The following SRGAP1 variants were observed in gnomAD, a reference collection of about 807,000 sequenced individuals.
The protein encoded by SRGAP1 is SLIT-ROBO Rho GTPase-activating protein 1.
Under a neutral mutation model 121.9 loss-of-function variants are expected in SRGAP1, and 43 were observed. The ratio of observed to expected loss-of-function variants is 0.35; its 90% confidence interval spans 0.28 to 0.46. The LOEUF (loss-of-function observed/expected upper bound fraction) is 0.46. Among genes scored for constraint, SRGAP1 ranks in the 20% least tolerant of loss-of-function variants. The probability of loss-of-function intolerance (pLI) is 1.00; values close to 1 mark genes in which losing one functional copy is unlikely to be tolerated. For synonymous variants in SRGAP1, 447 were observed against 485.4 expected (o/e 0.92, Z 1.04); for missense variants, 1,102 against 1,350.9 (o/e 0.82, Z 2.89).
At chr12:64,026,600 C>G (rs2034657194) in intron 4 of SRGAP1, among the ~76,000 whole-genome samples, 1 of 152,166 alleles carries the variant, frequency 6.6e-6, no homozygotes, top group Non-Finnish European at 1.5e-5. Context: ...GGCGCAGTGG[C>G]TCATGCCTGT....
At chr12:64,055,767 G>A (rs2035328646) in intron 6 of SRGAP1, among the ~76,000 whole-genome samples, 1 of 152,110 alleles carries the variant, frequency 6.6e-6, no homozygotes, top group Non-Finnish European at 1.5e-5. Context: ...TGCAGTATGG[G>A]CTGTTCTTTC....
At chr12:64,059,568 A>G (rs1162838203) in intron 6 of SRGAP1, among the ~76,000 whole-genome samples, 1 of 152,124 alleles carries the variant, frequency 6.6e-6, no homozygotes, top group South Asian at 2.1e-4. Flanking sequence ...ATCTTCTTTC[A>G]GAATAGTGAG....
intron 3 of SRGAP1, among the ~76,000 whole-genome samples, chr12:64,006,812 G>A (rs1382855253): frequency 4.6e-5 from 7 of 152,152 alleles, no homozygotes; most frequent in Non-Finnish European, 8.8e-5. Flanking sequence ...GATTAATAAC[G>A]AGTTGAATGG....
chr12:64,064,225 G>A (rs1437730822), intron 7 of SRGAP1, among the ~76,000 whole-genome samples: 3 of 152,052 alleles, frequency 2.0e-5, no homozygotes, highest in Non-Finnish European at 4.4e-5. Flanking sequence ...TTTATGGCCA[G>A]TTCTGCTAAG....
chr12:63,904,555 G>A (rs2030106094), intron 1 of SRGAP1, among the ~76,000 whole-genome samples: 1 of 152,078 alleles, frequency 6.6e-6, no homozygotes, highest in Non-Finnish European at 1.5e-5. Flanking sequence ...AATGTGTCCT[G>A]GTAAGCTTTA....
At chr12:63,881,731 A>C (rs946231515) in intron 1 of SRGAP1, among the ~76,000 whole-genome samples, 6 of 152,238 alleles carry the variant, frequency 3.9e-5, no homozygotes, top group Non-Finnish European at 7.3e-5. Context: ...CACCCTTTAG[A>C]GTACCAATAG....
At chr12:64,136,001 A>T (rs2036850819) in intron 21 of SRGAP1, among the ~76,000 whole-genome samples, 1 of 152,228 alleles carries the variant, frequency 6.6e-6, no homozygotes. Context: ...AGAAAGATGT[A>T]GGCTGGGAGG....
intron 7 of SRGAP1, among the ~76,000 whole-genome samples, chr12:64,063,661 A>AG (rs1347971499): frequency 6.6e-6 from 1 of 152,024 alleles, no homozygotes; most frequent in East Asian, 1.9e-4. Context: ...TTTTACCAAA[A>AG]AAAATGCATT....
rs1202751886 is a variant in SRGAP1, at chr12:64,146,094, T to C, written c.*3422T>C. The C allele has an allele frequency of 6.6e-6, 1 of 152,206 alleles. No homozygotes were observed. Among genetic ancestry groups the C allele is most frequent in the Non-Finnish European group, 1.5e-5 (1 of 68,036 alleles). The allele number at this position is 152,206 out of a possible 1,614,324, so 9.4% of individuals were successfully genotyped here. A position where few individuals can be genotyped will look rare whatever the true frequency, so the allele number is the denominator to read the frequency against. On this transcript the variant is annotated 3_prime_UTR_variant, in exon 22 of 22. Coordinates refer to ENST00000355086, the MANE Select transcript of SRGAP1 (RefSeq NM_020762.4). Reference sequence around the variant, plus strand: ...TTTGGGGATAGAGAGAAAGGTGTACTTAGTACACATTTTCTAATGGGCGTT... The same window carrying C: ...TTTGGGGATAGAGAGAAAGGTGTACCTAGTACACATTTTCTAATGGGCGTT...
Position 64,079,126 on chromosome 12 carries a change from C to G in SRGAP1, c.1323+10C>G. Reference sequence around the variant, plus strand: ...ACAGTTCTACTTCATGGTGTGCCCGCCACTTCCCAAGCCACTCTACAGAGC... The same window carrying G: ...ACAGTTCTACTTCATGGTGTGCCCGGCACTTCCCAAGCCACTCTACAGAGC... On this transcript the variant is annotated intron_variant, in intron 9 of 21. Coordinates refer to ENST00000355086, the MANE Select transcript of SRGAP1 (RefSeq NM_020762.4). 6.2e-7 allele frequency: 1 copy of G among 1,613,028 alleles called. No individual in the cohort carries two copies. Among genetic ancestry groups the G allele is most frequent in the East Asian group, 2.2e-5 (1 of 44,812 alleles).
At chr12:64,061,183 G>A (rs1176912420) in intron 6 of SRGAP1, among the ~76,000 whole-genome samples, 2 of 151,888 alleles carry the variant, frequency 1.3e-5, no homozygotes, top group East Asian at 3.9e-4. Flanking sequence ...AGATAATGAA[G>A]ATTCAAGAAT....
At chr12:64,071,878 C>A (rs1045885133) in intron 8 of SRGAP1, among the ~76,000 whole-genome samples, 1 of 148,668 alleles carries the variant, frequency 6.7e-6, no homozygotes, top group African/African-American at 2.5e-5. Context: ...TCACCCCCCC[C>A]CAAAAAAAAA....
At chr12:63,997,774 A>G (rs1246947697) in intron 3 of SRGAP1, among the ~76,000 whole-genome samples, 1 of 152,104 alleles carries the variant, frequency 6.6e-6, no homozygotes, top group African/African-American at 2.4e-5. Flanking sequence ...GAATCTGCCT[A>G]TTCTCCGGGT....
chr12:64,077,709 A>G (rs940489307), intron 8 of SRGAP1, among the ~76,000 whole-genome samples: 15 of 151,976 alleles, frequency 9.9e-5, no homozygotes, highest in African/African-American at 3.4e-4. Context: ...CTTTATGGCT[A>G]TGAGATAGGA....
chr12:63,884,012 G>A (rs896366464), intron 1 of SRGAP1, among the ~76,000 whole-genome samples: 27 of 127,456 alleles, frequency 2.1e-4, no homozygotes, highest in African/African-American at 7.9e-4. Context: ...GGCCAGGCGC[G>A]GTAGCTCACG....
chr12:64,001,597 C>T (rs2033899458), intron 3 of SRGAP1, among the ~76,000 whole-genome samples: 1 of 152,168 alleles, frequency 6.6e-6, no homozygotes. Flanking sequence ...ACTGAAGCCT[C>T]CTAAGTGACA....
chr12:64,058,212 C>T (rs1055098312), intron 6 of SRGAP1, among the ~76,000 whole-genome samples: 1 of 152,200 alleles, frequency 6.6e-6, no homozygotes, highest in African/African-American at 2.4e-5. Context: ...ATTGATTTAT[C>T]TGGACGTAAC....
intron 1 of SRGAP1, among the ~76,000 whole-genome samples, chr12:63,937,099 G>T (rs1275526733): frequency 6.6e-6 from 1 of 152,218 alleles, no homozygotes; most frequent in African/African-American, 2.4e-5. Context: ...AAGCAGCAGA[G>T]AGTGAAAGTG....
chr12:63,877,758 C>G (rs536098721), intron 1 of SRGAP1, among the ~76,000 whole-genome samples: 2 of 152,344 alleles, frequency 1.3e-5, no homozygotes, highest in African/African-American at 4.8e-5. Flanking sequence ...AGACCAAATT[C>G]TAGATCCAGC....
Sources: allele counts gnomAD v4.1 joint callset (sites outside exome capture counted in the v4.1 genomes callset), GRCh38; gene constraint gnomAD v4.1.1; transcripts MANE v1.5; gene names NCBI Gene and HGNC (gene_info 2026-07-23, HGNC 2026-07-21).